Variants in LHFPL3 observed in about 807,000 individuals in gnomAD.
The protein encoded by LHFPL3 is LHFPL tetraspan subfamily member 3 protein.
In LHFPL3, 5 loss-of-function variants were observed where a neutral mutation model predicts 19.3. The observed-to-expected ratio is 0.26, with a 90% CI of 0.14 to 0.54. LHFPL3 has a LOEUF of 0.54. Among genes scored for constraint, LHFPL3 ranks in the 20% least tolerant of loss-of-function variants. The pLI is 0.94. For missense variants in LHFPL3, 249 were observed against 307.4 expected (o/e 0.81, Z 1.42); for synonymous variants, 133 against 126.2 (o/e 1.05, Z -0.36).
intron 1 of LHFPL3, among the ~76,000 whole-genome samples, chr7:104,498,770 G>A (rs943060529): frequency 2.6e-5 from 4 of 152,120 alleles, no homozygotes; most frequent in South Asian, 2.1e-4. Context: ...GAGCCACAGC[G>A]CCTAGCCAGA....
rs547716437 is a variant in LHFPL3, at chr7:104,730,123, T to A, written c.446-6552T>A. Among the ~76,000 whole-genome samples, 22 of 152,354 alleles carry A rather than the reference T, an allele frequency of 1.4e-4. No homozygotes were observed. In the South Asian group the frequency reaches 4.1e-3, roughly 29 times the overall value. ...TATTCCATGGTGTATGTGTGCCACA[T>A]TTTCTTAATCTAGTCTATCATTGTT... On this transcript the variant is annotated intron_variant, in intron 1 of 2. Coordinates refer to ENST00000424859, the MANE Select transcript of LHFPL3 (RefSeq NM_199000.3).
Position 104,489,203 on chromosome 7 carries a change from C to A in LHFPL3, c.445+159979C>A, listed in dbSNP as rs1793293664. ...GTTCACGCCATTCTCCTGCCTCAGC[C>A]TCCCAAGTAGCTGGGACTACAGGCG... is the stretch of plus-strand genomic sequence containing the variant. On this transcript the variant is annotated intron_variant, in intron 1 of 2. Coordinates refer to ENST00000424859, the MANE Select transcript of LHFPL3 (RefSeq NM_199000.3). Among the ~76,000 whole-genome samples, 2 of 91,850 alleles carry A rather than the reference C, an allele frequency of 2.2e-5. 1 individual carries two copies. Among genetic ancestry groups the A allele is most frequent in the South Asian group, 6.4e-4 (2 of 3,108 alleles). The allele number at this position is 91,850 out of a possible 152,430, so 60.3% of individuals were successfully genotyped here. A position where few individuals can be genotyped will look rare whatever the true frequency, so the allele number is the denominator to read the frequency against.
intron 2 of LHFPL3, among the ~76,000 whole-genome samples, chr7:104,852,514 G>A (rs1249649687): frequency 6.6e-6 from 1 of 152,220 alleles, no homozygotes; most frequent in East Asian, 1.9e-4. Context: ...TCCTGTTTGG[G>A]AGTTGGGAAT....
At chr7:104,342,005 A>G (rs1302614840) in intron 1 of LHFPL3, among the ~76,000 whole-genome samples, 3 of 152,240 alleles carry the variant, frequency 2.0e-5, no homozygotes, top group African/African-American at 7.2e-5. Context: ...TTGCCTTAAT[A>G]TAAAATGCTT....
chr7:104,367,584 CT>C (rs1790520417), intron 1 of LHFPL3, among the ~76,000 whole-genome samples: 1 of 152,124 alleles, frequency 6.6e-6, no homozygotes, highest in African/African-American at 2.4e-5. Context: ...GAAAAACTGG[CT>C]TGTTGATGAC....
At chr7:104,764,559 T>G (rs1356827933) in intron 2 of LHFPL3, among the ~76,000 whole-genome samples, 1 of 152,214 alleles carries the variant, frequency 6.6e-6, no homozygotes, top group African/African-American at 2.4e-5. Flanking sequence ...TGTGGTTCAA[T>G]CAGCTATTAT....
chr7:104,756,726 C>T (rs2116359716), intron 2 of LHFPL3, among the ~76,000 whole-genome samples: 2 of 152,312 alleles, frequency 1.3e-5, no homozygotes, highest in East Asian at 3.9e-4. Context: ...TCTCAAACTC[C>T]TGACCTCAAT....
intron 2 of LHFPL3, among the ~76,000 whole-genome samples, chr7:104,848,389 G>A (rs1184425994): frequency 6.6e-6 from 1 of 152,058 alleles, no homozygotes; most frequent in Admixed American, 6.6e-5. Context: ...GGCATTCTTG[G>A]GCAGCCACAC....
intron 1 of LHFPL3, among the ~76,000 whole-genome samples, chr7:104,647,234 A>T (rs1791950835): frequency 1.3e-5 from 2 of 152,192 alleles, no homozygotes; most frequent in East Asian, 3.8e-4. Flanking sequence ...CCAACTCTTG[A>T]AAGCCTCTCC....
chr7:104,611,215 C>G (rs1791207760), intron 1 of LHFPL3, among the ~76,000 whole-genome samples: 2 of 152,124 alleles, frequency 1.3e-5, no homozygotes, highest in Non-Finnish European at 2.9e-5. Flanking sequence ...CATTAGATAA[C>G]AATAATTTTA....
At position 104,570,569 on chromosome 7, in the gene LHFPL3, T is replaced by A. The variant is rs1344256111; in HGVS notation, c.446-166106T>A. The stretch of plus-strand genomic sequence containing the variant: ...TCAGTTTCCCTGAGAAATGGACAAA[T>A]TCTCTATCTGAAGCAAACTTTTTTC... On this transcript the variant is annotated intron_variant, in intron 1 of 2. Transcript: ENST00000424859. 3.3e-5 allele frequency among the ~76,000 whole-genome samples: 5 copies of A among 152,210 alleles called. No homozygotes were observed. The East Asian group carries it at 9.6e-4, about 29-fold the overall frequency.
chr7:104,563,287 G>A (rs533858043), intron 1 of LHFPL3, among the ~76,000 whole-genome samples: 8,892 of 151,102 alleles, frequency 0.059, 7 homozygotes, highest in African/African-American at 0.13. Flanking sequence ...CAGCCTCGCT[G>A]CCGCCTTGCA....
intron 2 of LHFPL3, among the ~76,000 whole-genome samples, chr7:104,880,146 CCTTA>C (rs1792018953): frequency 6.6e-6 from 1 of 151,930 alleles, no homozygotes. Context: ...GGAGGTGGGG[CCTTA>C]GTGGGAGGTG....
intron 1 of LHFPL3, among the ~76,000 whole-genome samples, chr7:104,352,378 T>C (rs1337960260): frequency 6.6e-6 from 1 of 152,204 alleles, no homozygotes; most frequent in Non-Finnish European, 1.5e-5. Flanking sequence ...CTACCAAGTA[T>C]GTAATAAGAA....
intron 1 of LHFPL3, among the ~76,000 whole-genome samples, chr7:104,430,637 C>G (rs887135995): frequency 6.7e-6 from 1 of 148,520 alleles, no homozygotes; most frequent in Admixed American, 6.8e-5. Flanking sequence ...CCTGGCTAAT[C>G]TTTTGTATTT....
intron 2 of LHFPL3, among the ~76,000 whole-genome samples, chr7:104,835,543 A>G (rs1203965631): frequency 6.6e-6 from 1 of 151,210 alleles, no homozygotes; most frequent in African/African-American, 2.4e-5. Flanking sequence ...GAGATGGCAA[A>G]CTAAGTAGAC....
chr7:104,677,069 T>C (rs1404906061), intron 1 of LHFPL3, among the ~76,000 whole-genome samples: 2 of 152,152 alleles, frequency 1.3e-5, no homozygotes, highest in East Asian at 1.9e-4. Context: ...CAATGTCATA[T>C]AAGTAATAAC....
chr7:104,562,419 T>C (rs1202082548), intron 1 of LHFPL3, among the ~76,000 whole-genome samples: 2 of 152,234 alleles, frequency 1.3e-5, no homozygotes, highest in African/African-American at 4.8e-5. Flanking sequence ...CCTTCTCGCT[T>C]CATTTCATTC....
At position 104,491,805 on chromosome 7, in the gene LHFPL3, A is replaced by T. The variant is rs1434257476; in HGVS notation, c.445+162581A>T. Among the ~76,000 whole-genome samples the T allele has an allele frequency of 2.0e-5, 3 of 152,244 alleles. No homozygotes were observed. In the East Asian group the frequency reaches 5.8e-4, roughly 29 times the overall value. On this transcript the variant is annotated intron_variant, in intron 1 of 2. Transcript: ENST00000424859. ...CTATATCATCCAAATTAAATGTTAA[A>T]ATATACCCAAAATAATCAATAAAAC...
Sources: gnomAD v4.1 joint callset for allele counts (sites outside exome capture counted in the v4.1 genomes callset) on GRCh38, gnomAD v4.1.1 for gene constraint, MANE v1.5 for transcripts, NCBI Gene and HGNC (gene_info 2026-07-23, HGNC 2026-07-21) for gene names.